RANBP2: variants seen among roughly 807,000 people sequenced by gnomAD.
RANBP2 encodes RAN binding protein 2, also known as E3 SUMO-protein ligase RanBP2.
A neutral mutation model predicts 303.6 loss-of-function variants in RANBP2; 57 were observed. The ratio of observed to expected loss-of-function variants is 0.19; its 90% confidence interval spans 0.15 to 0.23. The LOEUF (loss-of-function observed/expected upper bound fraction) is 0.23, where lower values mean the gene tolerates loss of function less well. Ranked by LOEUF, RANBP2 falls within the 10% of genes least tolerant of loss-of-function variation. The probability of loss-of-function intolerance (pLI) is 1.00; values close to 1 mark genes in which losing one functional copy is unlikely to be tolerated. For synonymous variants in RANBP2, 1,167 were observed against 1,301.5 expected, an observed-to-expected ratio of 0.90 and a Z score of 2.23; for missense variants, 3,138 against 3,780.8, an observed-to-expected ratio of 0.83 and a Z score of 4.46.
chr2:109,687,234 A>C, the RANBP2 span, among the ~76,000 whole-genome samples: 1 of 152,094 alleles, frequency 6.6e-6, no homozygotes, highest in East Asian at 1.9e-4. Flanking sequence ...TGGCTCATTC[A>C]GTTATTTATT....
chr2:109,667,890 A>AAGG, the RANBP2 span: 187,999 of 193,742 alleles, frequency 0.97, 91,427 homozygotes, highest in Non-Finnish European at 0.99. Flanking sequence ...CCTCAAGCAG[A>AAGG]AGGAGAAGCT....
the RANBP2 span, among the ~76,000 whole-genome samples, chr2:109,394,810 G>A: frequency 6.6e-6 from 1 of 152,230 alleles, no homozygotes; most frequent in African/African-American, 2.4e-5. Context: ...GGAGGGCAGA[G>A]CCACCTGGCT....
the RANBP2 span, among the ~76,000 whole-genome samples, chr2:109,422,489 A>G: frequency 6.6e-6 from 1 of 152,176 alleles, no homozygotes; most frequent in Non-Finnish European, 1.5e-5. Flanking sequence ...TGGATTCCCT[A>G]AGGGCTCAGT....
In RANBP2 at chr2:108,764,152, G is replaced by T. The variant is rs936822747; in HGVS notation, c.3613G>T (p.Asp1205Tyr). 3 of 1,613,922 alleles carry T rather than the reference G, an allele frequency of 1.9e-6. No individual in the cohort carries two copies. The highest frequency in any genetic ancestry group is 2.7e-5 in the African/African-American group (2 of 74,900). The change falls in exon 20 of 29, where the codon GAT (aspartate) becomes TAT (tyrosine). Residue 1205 changes from aspartate (D) to tyrosine (Y), a missense_variant. Asp to Tyr is a radical substitution (Grantham distance 160). Around this residue, in one of 20 missense-constraint regions of RANBP2, gnomAD observed 72 missense variants for 119.5 expected, o/e 0.60. Transcript: ENST00000283195. Reference protein sequence around the residue: ...FCNRAKLFRFDVESKEWKERG... With the variant: ...FCNRAKLFRFYVESKEWKERG... ...CAACCGCGCGAAATTGTTTCGTTTC[G>T]ATGTAGAATCCAAAGAATGGAAAGA...
the RANBP2 span, among the ~76,000 whole-genome samples, chr2:109,709,918 T>G: frequency 2.6e-5 from 4 of 151,828 alleles, no homozygotes; most frequent in Admixed American, 2.0e-4. Flanking sequence ...TGAAACCCCA[T>G]CTCTATTAAA....
At position 108,784,328 on chromosome 2, in the gene RANBP2, A is replaced by G. The variant is rs1678460789; in HGVS notation, c.*427A>G. On this transcript the variant is annotated 3_prime_UTR_variant, in exon 29 of 29. Coordinates refer to ENST00000283195, the MANE Select transcript of RANBP2 (RefSeq NM_006267.5). ...TTTTAGGTTTGAAATATATTTGGTA[A>G]TCTTAACTATTGGTGTACTCATTTA... 1 of 180,396 alleles carries G rather than the reference A, an allele frequency of 5.5e-6. No homozygotes were observed. 11.2% of individuals were successfully genotyped at this position (180,396 alleles called of 1,614,324 possible). A position where few individuals can be genotyped will look rare whatever the true frequency, so the allele number is the denominator to read the frequency against.
At chr2:108,977,081 T>C in the RANBP2 span, among the ~76,000 whole-genome samples, 1 of 152,158 alleles carries the variant, frequency 6.6e-6, no homozygotes, top group African/African-American at 2.4e-5. Flanking sequence ...ACCTGTGCTG[T>C]GATCAGGACG....
At chr2:109,594,067 T>C in the RANBP2 span, among the ~76,000 whole-genome samples, 2 of 152,180 alleles carry the variant, frequency 1.3e-5, no homozygotes, top group African/African-American at 2.4e-5. Flanking sequence ...CAGGTCTGAT[T>C]TGACTGCCAA....
chr2:109,197,336 AGAAGG>A, the RANBP2 span, among the ~76,000 whole-genome samples: 1 of 152,140 alleles, frequency 6.6e-6, no homozygotes, highest in African/African-American at 2.4e-5. Context: ...GGAGGGGTTA[AGAAGG>A]GAAGGGAAGG....
At chr2:109,147,227 G>C in the RANBP2 span, among the ~76,000 whole-genome samples, 1 of 152,146 alleles carries the variant, frequency 6.6e-6, no homozygotes, top group Non-Finnish European at 1.5e-5. Context: ...AATTACAGCT[G>C]TCCGCTGCTG....
the RANBP2 span, among the ~76,000 whole-genome samples, chr2:109,721,550 A>G: frequency 6.6e-6 from 1 of 152,206 alleles, no homozygotes; most frequent in South Asian, 2.1e-4. Context: ...CAAAGATAAA[A>G]AAAACAGCAT....
chr2:109,614,785 T>C, the RANBP2 span: 1 of 1,476,428 alleles, frequency 6.8e-7, no homozygotes, highest in Admixed American at 2.3e-5. Flanking sequence ...CGAATCCAGG[T>C]GACCGCCGAG....
chr2:109,660,037 A>G, the RANBP2 span, among the ~76,000 whole-genome samples: 3 of 152,222 alleles, frequency 2.0e-5, no homozygotes, highest in Non-Finnish European at 4.4e-5. Flanking sequence ...GCAAAGAACT[A>G]AGGCCAATTT....
the RANBP2 span, among the ~76,000 whole-genome samples, chr2:108,987,259 T>G: frequency 6.6e-6 from 1 of 152,208 alleles, no homozygotes; most frequent in African/African-American, 2.4e-5. Flanking sequence ...GAAAGGAGCG[T>G]CAGGTAACCC....
chr2:109,680,516 G>A, the RANBP2 span, among the ~76,000 whole-genome samples: 1 of 152,188 alleles, frequency 6.6e-6, no homozygotes, highest in South Asian at 2.1e-4. Context: ...CATGTGTAAA[G>A]TGAAAGTAAT....
the RANBP2 span, among the ~76,000 whole-genome samples, chr2:108,893,320 A>G: frequency 6.6e-6 from 1 of 152,236 alleles, no homozygotes; most frequent in African/African-American, 2.4e-5. Context: ...AGACAAAATC[A>G]AATTTAACAG....
the RANBP2 span, among the ~76,000 whole-genome samples, chr2:109,526,237 C>T: frequency 6.6e-6 from 1 of 152,188 alleles, no homozygotes; most frequent in Non-Finnish European, 1.5e-5. Flanking sequence ...TGGGTTTAAG[C>T]CCAGGGCTGC....
chr2:109,087,107 T>A, the RANBP2 span, among the ~76,000 whole-genome samples: 1 of 152,148 alleles, frequency 6.6e-6, no homozygotes, highest in East Asian at 1.9e-4. Context: ...AACCGCAAAT[T>A]GTCCCTGGGC....
the RANBP2 span, among the ~76,000 whole-genome samples, chr2:108,994,682 G>A: frequency 3.3e-5 from 5 of 151,774 alleles, no homozygotes; most frequent in Non-Finnish European, 5.9e-5. Flanking sequence ...CATGGCTCCG[G>A]GGAAAGGGGA....
Sources: gnomAD v4.1 joint callset for allele counts (sites outside exome capture counted in the v4.1 genomes callset) on GRCh38, gnomAD v4.1.1 for gene constraint, gnomAD v4.1.1 regional missense constraint, MANE v1.5 for transcripts, NCBI Gene and HGNC (gene_info 2026-07-23, HGNC 2026-07-21) for gene names.